GRID1: variants seen among roughly 807,000 people sequenced by gnomAD.
GRID1 encodes glutamate receptor ionotropic, delta-1.
Under a neutral mutation model 98.0 loss-of-function variants are expected in GRID1, and 28 were observed. The ratio of observed to expected loss-of-function variants is 0.29; its 90% CI spans 0.21 to 0.39. The LOEUF (loss-of-function observed/expected upper bound fraction) is 0.39. Among genes scored for constraint, GRID1 ranks in the 10% least tolerant of loss-of-function variants. The probability of loss-of-function intolerance (pLI) is 1.00; values close to 1 mark genes in which losing one functional copy is unlikely to be tolerated. For missense variants in GRID1, 1,111 were observed against 1,340.5 expected (o/e 0.83, Z 2.67); for synonymous variants, 553 against 538.5 (o/e 1.03, Z -0.37).
chr10:85,626,861 C>T (rs1284611634), intron 13 of GRID1, among the ~76,000 whole-genome samples: 2 of 151,974 alleles, frequency 1.3e-5, no homozygotes, highest in Non-Finnish European at 2.9e-5. Flanking sequence ...GTGTGGCTGG[C>T]GTGATATTTC....
rs201208047 is a variant in GRID1 at position 86,145,547 on chromosome 10, T to TACAC, written c.521-6527_521-6524dup. ...TGCCCACTCCTGGACATCCTCCACA[T>TACAC]ACACACACACACACACACACACACC... On this transcript the variant is annotated intron_variant, in intron 3 of 15. Coordinates refer to ENST00000327946, the MANE Select transcript of GRID1 (RefSeq NM_017551.3). Among the ~76,000 whole-genome samples the TACAC allele has an allele frequency of 2.8e-3, 405 of 145,702 alleles. 1 individual carries two copies. Among genetic ancestry groups the TACAC allele is most frequent in the African/African-American group, 9.2e-3 (357 of 38,878 alleles).
chr10:85,829,085 C>T (rs1842845202), intron 8 of GRID1, among the ~76,000 whole-genome samples: 1 of 151,924 alleles, frequency 6.6e-6, no homozygotes, highest in African/African-American at 2.4e-5. Flanking sequence ...CTGAATCCAG[C>T]AACATATCAA....
intron 2 of GRID1, among the ~76,000 whole-genome samples, chr10:86,246,292 C>A (rs1846725208): frequency 6.6e-6 from 1 of 152,250 alleles, no homozygotes; most frequent in South Asian, 2.1e-4. Flanking sequence ...GCCACAGGGC[C>A]TTGTGAAGCC....
In GRID1 at chr10:85,602,215, T is replaced by C. The variant is rs1564673726; in HGVS notation, c.*58A>G. On this transcript the variant is annotated 3_prime_UTR_variant, in exon 16 of 16. Transcript: ENST00000327946. ...TGGTTTGTGTTGTTGTTTTCTTGTA[T>C]TAAAAAGCTCTGCTGGTCGGGTGGG... The C allele has an allele frequency of 1.2e-5, 12 of 1,023,712 alleles. No individual in the cohort carries two copies. Among genetic ancestry groups the C allele is most frequent in the Non-Finnish European group, 1.6e-5 (12 of 751,766 alleles). The allele number at this position is 1,023,712 out of a possible 1,614,324, so 63.4% of individuals were successfully genotyped here.
intron 12 of GRID1, among the ~76,000 whole-genome samples, chr10:85,667,342 G>A (rs910506768): frequency 6.6e-6 from 1 of 152,052 alleles, no homozygotes; most frequent in South Asian, 2.1e-4. Context: ...GAGAGAGAGA[G>A]AGAGACGAAC....
chr10:85,736,701 G>A (rs1275313186), intron 8 of GRID1, among the ~76,000 whole-genome samples: 1 of 152,208 alleles, frequency 6.6e-6, no homozygotes, highest in East Asian at 1.9e-4. Context: ...TGGGCTCAGA[G>A]TATGTTTCAA....
intron 12 of GRID1, among the ~76,000 whole-genome samples, chr10:85,707,320 C>T (rs2132631189): frequency 6.6e-6 from 1 of 152,252 alleles, no homozygotes; most frequent in Non-Finnish European, 1.5e-5. Context: ...TGAACAGACA[C>T]TTCTCAAAAG....
At chr10:85,982,887 C>T (rs1842562923) in intron 4 of GRID1, among the ~76,000 whole-genome samples, 1 of 152,174 alleles carries the variant, frequency 6.6e-6, no homozygotes, top group African/African-American at 2.4e-5. Context: ...CAGGCAAAAA[C>T]AGGAAAACTC....
At chr10:86,230,060 C>A (rs920137654) in intron 2 of GRID1, among the ~76,000 whole-genome samples, 2 of 152,198 alleles carry the variant, frequency 1.3e-5, no homozygotes, top group Admixed American at 6.5e-5. Flanking sequence ...CCAGCCCCTG[C>A]ATCCTGCTCC....
intron 3 of GRID1, among the ~76,000 whole-genome samples, chr10:86,142,859 T>C (rs931998639): frequency 1.3e-5 from 2 of 152,082 alleles, no homozygotes; most frequent in African/African-American, 4.8e-5. Flanking sequence ...CCTAAAACCA[T>C]CTCAACCCAC....
intron 12 of GRID1, among the ~76,000 whole-genome samples, chr10:85,689,508 C>T (rs1841309048): frequency 6.6e-6 from 1 of 151,040 alleles, no homozygotes; most frequent in Non-Finnish European, 1.5e-5. Flanking sequence ...CAGCACCACC[C>T]TCAAAAACAT....
intron 2 of GRID1, among the ~76,000 whole-genome samples, chr10:86,224,278 G>A (rs1846306386): frequency 6.6e-6 from 1 of 152,180 alleles, no homozygotes; most frequent in Non-Finnish European, 1.5e-5. Context: ...GAGCCCAAGT[G>A]TCCACACCTA....
At chr10:85,958,084 G>A (rs942768364) in intron 4 of GRID1, among the ~76,000 whole-genome samples, 1 of 152,168 alleles carries the variant, frequency 6.6e-6, no homozygotes, top group African/African-American at 2.4e-5. Context: ...ACAGGCCCAG[G>A]GCCAATAACC....
At chr10:85,735,314 C>T (rs1227631015) in intron 8 of GRID1, among the ~76,000 whole-genome samples, 2 of 152,146 alleles carry the variant, frequency 1.3e-5, no homozygotes, top group African/African-American at 4.8e-5. Flanking sequence ...TCATTCATTG[C>T]TGAGATCTGC....
intron 12 of GRID1, among the ~76,000 whole-genome samples, chr10:85,717,850 C>G (rs917382550): frequency 1.3e-5 from 2 of 152,158 alleles, no homozygotes; most frequent in African/African-American, 4.8e-5. Flanking sequence ...TACAGCCATT[C>G]TAAATGGGAG....
intron 2 of GRID1, among the ~76,000 whole-genome samples, chr10:86,280,364 T>C (rs1036638591): frequency 2.6e-5 from 4 of 152,204 alleles, no homozygotes; most frequent in Admixed American, 6.5e-5. Flanking sequence ...CTCCCTCCTC[T>C]ACTTGCTGCT....
At chr10:86,140,419 G>T (rs1418244852) in intron 3 of GRID1, among the ~76,000 whole-genome samples, 2 of 152,208 alleles carry the variant, frequency 1.3e-5, no homozygotes, top group African/African-American at 4.8e-5. Context: ...TACTAATTTT[G>T]CAAACTTTCT....
At chr10:85,828,040 A>G (rs1210253697) in intron 8 of GRID1, among the ~76,000 whole-genome samples, 1 of 152,216 alleles carries the variant, frequency 6.6e-6, no homozygotes, top group African/African-American at 2.4e-5. Context: ...TCAGCTATAA[A>G]ACAATTCTCA....
intron 2 of GRID1, among the ~76,000 whole-genome samples, chr10:86,210,159 G>T (rs1375222179): frequency 6.6e-6 from 1 of 152,156 alleles, no homozygotes; most frequent in Non-Finnish European, 1.5e-5. Flanking sequence ...TGGCACCAGG[G>T]CCTCAAAGGA....
Sources: allele counts gnomAD v4.1 joint callset (sites outside exome capture counted in the v4.1 genomes callset), GRCh38; gene constraint gnomAD v4.1.1; transcripts MANE v1.5; gene names NCBI Gene and HGNC (gene_info 2026-07-23, HGNC 2026-07-21).